The following CELF2 variants were observed in gnomAD, a reference collection of about 807,000 sequenced individuals.
CELF2 encodes the protein CUGBP Elav-like family member 2.
Under a neutral mutation model 62.6 loss-of-function variants are expected in CELF2, and 8 were observed. The ratio of observed to expected loss-of-function variants is 0.13; its 90% CI spans 0.07 to 0.23. CELF2 has a LOEUF of 0.23. Among genes scored for constraint, CELF2 ranks in the 10% least tolerant of loss-of-function variants. CELF2 has a pLI of 1.00. For synonymous variants in CELF2, 258 were observed against 250.0 expected (o/e 1.03, Z -0.30); for missense variants, 333 against 671.0 (o/e 0.50, Z 5.56).
At chr10:10,756,747 G>T in the CELF2 span, among the ~76,000 whole-genome samples, 1 of 152,006 alleles carries the variant, frequency 6.6e-6, no homozygotes, top group Non-Finnish European at 1.5e-5. Context: ...TAATTTTCTA[G>T]GAATGATTGT....
intron 1 of CELF2, among the ~76,000 whole-genome samples, chr10:11,062,943 C>A (rs1026489531): frequency 6.6e-6 from 1 of 152,134 alleles, no homozygotes; most frequent in Non-Finnish European, 1.5e-5. Context: ...AGCAGCACCC[C>A]CCCCGCCATC....
the CELF2 span, among the ~76,000 whole-genome samples, chr10:10,678,469 T>C: frequency 5.7e-3 from 867 of 152,302 alleles, 8 homozygotes; most frequent in African/African-American, 0.02. Context: ...GGAACAGCAC[T>C]GCACAAGGTG....
intron 1 of CELF2, among the ~76,000 whole-genome samples, chr10:10,881,132 C>T (rs1445551435): frequency 6.6e-6 from 1 of 152,190 alleles, no homozygotes; most frequent in African/African-American, 2.4e-5. Context: ...TCTATGGCCT[C>T]ACCTTGATCA....
rs2095336589 is a variant in CELF2, at chr10:11,319,979, C to T, written c.1097-1210C>T. The T allele has an allele frequency of 5.0e-6, 2 of 399,850 alleles. No individual in the cohort carries two copies. The highest frequency in any genetic ancestry group is 2.1e-5 in the African/African-American group (1 of 47,914). The allele number at this position is 399,850 out of a possible 1,614,324, so 24.8% of individuals were successfully genotyped here. A position where few individuals can be genotyped will look rare whatever the true frequency, so the allele number is the denominator to read the frequency against. ...GCTGTCCTCCATTCTCATTAGACTT[C>T]TTACCTATTTTTTCAGTTAGCCATC... On this transcript the variant is annotated intron_variant, in intron 10 of 12. Coordinates refer to ENST00000633077, the MANE Select transcript of CELF2 (RefSeq NM_001326342.2). This position sits in a 1 kb window ranked among gnomAD's most constrained non-coding sequence, Gnocchi z 4.4.
the CELF2 span, among the ~76,000 whole-genome samples, chr10:10,470,301 T>C: frequency 1.1e-4 from 17 of 151,834 alleles, no homozygotes; most frequent in Non-Finnish European, 1.8e-4. Flanking sequence ...AGTTTATTAG[T>C]TTTACACTTC....
At position 11,010,114 on chromosome 10, in the gene CELF2, C is replaced by G. The variant is rs2056173948; in HGVS notation, c.53+4674C>G. 6.6e-6 allele frequency: 1 copy of G among 152,196 alleles called. No homozygotes were observed. Among genetic ancestry groups the G allele is most frequent in the Non-Finnish European group, 1.5e-5 (1 of 68,036 alleles). 9.4% of individuals were successfully genotyped at this position (152,196 alleles called of 1,614,324 possible). A position where few individuals can be genotyped will look rare whatever the true frequency, so the allele number is the denominator to read the frequency against. On this transcript the variant is annotated intron_variant, in intron 1 of 12. Coordinates refer to the CELF2 transcript ENST00000416382. The surrounding 1 kb of genome is among the most constrained non-coding windows in gnomAD (Gnocchi z 4.1). ...GCTCATGCTTTGCTTTGTGAACATC[C>G]TGGGCTGAGAGTCCAGCTCTCCTCT...
At chr10:10,660,056 G>A in the CELF2 span, among the ~76,000 whole-genome samples, 7 of 152,190 alleles carry the variant, frequency 4.6e-5, no homozygotes, top group African/African-American at 1.2e-4. Flanking sequence ...AAGGGGCCAT[G>A]AGCCAAGGAA....
At chr10:10,659,487 C>A in the CELF2 span, among the ~76,000 whole-genome samples, 255 of 152,274 alleles carry the variant, frequency 1.7e-3, 1 homozygote, top group African/African-American at 6.0e-3. Context: ...TTCTCCCTCC[C>A]CTCCTCATCT....
At chr10:10,516,126 A>AAAAC in the CELF2 span, among the ~76,000 whole-genome samples, 1 of 152,174 alleles carries the variant, frequency 6.6e-6, no homozygotes, top group East Asian at 1.9e-4. Flanking sequence ...ACTTGTTGAA[A>AAAAC]AAACAAACAA....
rs968920831 is a variant in CELF2, at chr10:11,309,871, T to C, written c.977-4268T>C. Among the ~76,000 whole-genome samples, 25 of 152,332 alleles carry C rather than the reference T, an allele frequency of 1.6e-4. No homozygotes were observed. Among genetic ancestry groups the C allele is most frequent in the African/African-American group, 6.0e-4 (25 of 41,570 alleles). On this transcript the variant is annotated intron_variant, in intron 9 of 12. Coordinates refer to ENST00000633077, the MANE Select transcript of CELF2 (RefSeq NM_001326342.2). The surrounding 1 kb of genome is among the most constrained non-coding windows in gnomAD (Gnocchi z 5.6). ...TTTCCTATACTCTGTTCCAAATAAT[T>C]AGTTATCCTTAGGGGAAGTTACAGA...
the CELF2 span, among the ~76,000 whole-genome samples, chr10:10,478,993 A>C: frequency 6.6e-6 from 1 of 151,676 alleles, no homozygotes; most frequent in East Asian, 1.9e-4. Flanking sequence ...GCCCATCCCC[A>C]CTCTTCTCCT....
chr10:11,060,532 C>A (rs1211538037), intron 1 of CELF2, among the ~76,000 whole-genome samples: 2 of 152,204 alleles, frequency 1.3e-5, no homozygotes, highest in African/African-American at 4.8e-5. Flanking sequence ...CTTGGCTGCT[C>A]TTAGAAGTAC....
chr10:10,814,424 ATTTTAT>A (rs2056252205), intron 1 of CELF2, among the ~76,000 whole-genome samples: 1 of 152,080 alleles, frequency 6.6e-6, no homozygotes, highest in South Asian at 2.1e-4. Context: ...GGCCTCCCAC[ATTTTAT>A]TTTTAAACAA....
intron 3 of CELF2, among the ~76,000 whole-genome samples, chr10:11,232,144 C>T (rs1016091921): frequency 6.6e-6 from 1 of 151,836 alleles, no homozygotes; most frequent in African/African-American, 2.4e-5. Flanking sequence ...CCTCCCCTCT[C>T]CCCCCACCCC....
chr10:10,890,674 T>C (rs1054249659), intron 1 of CELF2, among the ~76,000 whole-genome samples: 2 of 152,214 alleles, frequency 1.3e-5, no homozygotes, highest in African/African-American at 4.8e-5. Context: ...ATGCGCAAAG[T>C]GTTTCTTCCA....
At chr10:10,552,575 C>T in the CELF2 span, among the ~76,000 whole-genome samples, 2 of 152,104 alleles carry the variant, frequency 1.3e-5, no homozygotes, top group African/African-American at 4.8e-5. Context: ...GAAATGAAAC[C>T]ATTCATTCTG....
intron 2 of CELF2, among the ~76,000 whole-genome samples, chr10:10,921,426 G>A (rs777537147): frequency 2.1e-4 from 32 of 151,604 alleles, no homozygotes; most frequent in Non-Finnish European, 3.8e-4. Flanking sequence ...GCACCACTAC[G>A]CCCAGCTAAC....
the CELF2 span, among the ~76,000 whole-genome samples, chr10:10,505,498 C>T: frequency 1.3e-5 from 2 of 151,956 alleles, no homozygotes; most frequent in Non-Finnish European, 2.9e-5. Context: ...AGTTCAGGCT[C>T]CCCTACATAG....
intron 2 of CELF2, among the ~76,000 whole-genome samples, chr10:11,185,265 C>T (rs1006493492): frequency 3.9e-5 from 6 of 152,094 alleles, no homozygotes; most frequent in South Asian, 2.1e-4. Flanking sequence ...GCCTCGAACT[C>T]CTGGGCTCAA....
Sources: gnomAD v4.1 joint callset for allele counts (sites outside exome capture counted in the v4.1 genomes callset) on GRCh38, gnomAD v4.1.1 for gene constraint, Gnocchi (gnomAD v3.1) non-coding constraint, MANE v1.5 for transcripts, NCBI Gene and HGNC (gene_info 2026-07-23, HGNC 2026-07-21) for gene names.